Variants in SARDH observed in about 807,000 individuals in gnomAD.
SARDH encodes the protein sarcosine dehydrogenase, also known as sarcosine dehydrogenase, mitochondrial.
SARDH carries 95 observed loss-of-function variants against 109.1 expected under a neutral mutation model. The ratio of observed to expected loss-of-function variants is 0.87; its 90% CI spans 0.74 to 1.03. SARDH has a LOEUF of 1.03. Ranked by LOEUF, SARDH falls within the 50% of genes least tolerant of loss-of-function variation. SARDH has a pLI of 0.00. For missense variants in SARDH, 1,267 were observed against 1,287.8 expected (o/e 0.98, Z 0.25); for synonymous variants, 572 against 534.8 (o/e 1.07, Z -0.96).
chr9:133,683,834 C>T (rs1220214970), intron 17 of SARDH, among the ~76,000 whole-genome samples: 1 of 152,236 alleles, frequency 6.6e-6, no homozygotes, highest in Non-Finnish European at 1.5e-5. Context: ...CCCACCCAAA[C>T]CCCAGACGAA....
chr9:133,685,421 T>C, intron 16 of SARDH, 135 bp from the exon 17 acceptor site: 2 of 634,694 alleles, frequency 3.2e-6, no homozygotes, highest in South Asian at 2.0e-5. Context: ...CATGGATTAA[T>C]AAAAATACAC....
chr9:133,664,606 G>A (rs1829999187), intron 20 of SARDH, among the ~76,000 whole-genome samples: 1 of 151,994 alleles, frequency 6.6e-6, no homozygotes, highest in Admixed American at 6.5e-5. Flanking sequence ...CTATGAGGAG[G>A]GCAGGCTAGG....
In SARDH at chr9:133,666,976, G is replaced by A. The variant is rs780872213; in HGVS notation, c.2496-106C>T. The stretch of plus-strand genomic sequence containing the variant: ...GGGGCTGCATGATGCACACCCAACC[G>A]TGGCTCCAGGCAGATAGGGCTGGCC... On this transcript the variant is annotated intron_variant, in intron 19 of 20. Transcript: ENST00000439388. This position sits in a 1 kb window ranked among gnomAD's most constrained non-coding sequence, Gnocchi z 5.2. 40 of 1,475,778 alleles carry A rather than the reference G, an allele frequency of 2.7e-5. No homozygotes were observed. The highest frequency in any genetic ancestry group is 2.0e-4 in the Middle Eastern group (1 of 5,020). The allele number at this position is 1,475,778 out of a possible 1,614,324, so 91.4% of individuals were successfully genotyped here. A position where few individuals can be genotyped will look rare whatever the true frequency, so the allele number is the denominator to read the frequency against.
chr9:133,696,123 G>A (rs1831277891), intron 14 of SARDH, 100 bp downstream of exon 14: 1 of 1,451,962 alleles, frequency 6.9e-7, no homozygotes, highest in Non-Finnish European at 9.4e-7. Context: ...AGTGTGCTCA[G>A]GGTGCCCGAG....
chr9:133,725,864 G>T (rs117806387), intron 6 of SARDH, among the ~76,000 whole-genome samples: 1,743 of 152,176 alleles, frequency 0.011, 87 homozygotes, highest in East Asian at 0.1. Context: ...TCTGTCACCT[G>T]CCCCAGAACT....
chr9:133,696,714 A>G (rs1831302299), intron 13 of SARDH, among the ~76,000 whole-genome samples: 1 of 152,242 alleles, frequency 6.6e-6, no homozygotes, highest in Admixed American at 6.5e-5. Context: ...ATTACACAAC[A>G]CACTGCTAAA....
intron 13 of SARDH, among the ~76,000 whole-genome samples, chr9:133,701,255 C>T (rs1430644660): frequency 1.3e-5 from 2 of 152,256 alleles, no homozygotes; most frequent in African/African-American, 2.4e-5. Context: ...AGCCAGCTTC[C>T]TCCCCTCTGC....
In SARDH at chr9:133,694,385, A is replaced by G; in HGVS notation, c.1808-14T>C. On this transcript the variant is annotated splice_polypyrimidine_tract_variant and intron_variant, in intron 14 of 20. Transcript: ENST00000439388. ...ACACGGTGGAGCCTGCGAGAGGGAG[A>G]AGGAAGCCGGGTCTGTGCTGAGGCC... The G allele has an allele frequency of 6.5e-7, 1 of 1,546,880 alleles. No homozygotes were observed.
chr9:133,703,115 A>G, intron 12 of SARDH, 86 bp from the exon 13 acceptor site: 1 of 1,211,174 alleles, frequency 8.3e-7, no homozygotes, highest in Non-Finnish European at 1.2e-6. Context: ...TGAGGCTGTG[A>G]TGGGGTCAGG....
Position 133,690,472 on chromosome 9 carries a change from G to A in SARDH, c.1977C>T (p.His659=). The part of the protein sequence containing the change: ...GGAVAQHNWS[H]ITTVLQDQKS... ...TCTGGTCCTGCAGCACGGTGGTGAT[G>A]TGGGACCAGTTGTGCTGGGCCACGG... The change falls in exon 16 of 21, where the codon CAC becomes CAT. Residue 659 remains histidine, a synonymous_variant. Transcript: ENST00000439388. 6 of 1,612,062 alleles carry A rather than the reference G, an allele frequency of 3.7e-6. No individual in the cohort carries two copies. The highest frequency in any genetic ancestry group is 5.1e-6 in the Non-Finnish European group (6 of 1,179,878).
chr9:133,673,554 C>T (rs933402452), intron 17 of SARDH, among the ~76,000 whole-genome samples: 5 of 152,216 alleles, frequency 3.3e-5, no homozygotes, highest in African/African-American at 9.6e-5. Context: ...ACATGGCCGC[C>T]GAGGGGCTGG....
intron 3 of SARDH, 40 bp downstream of exon 3, chr9:133,732,382 AC>A: frequency 3.4e-6 from 1 of 291,660 alleles, no homozygotes; most frequent in Non-Finnish European, 6.0e-6. Flanking sequence ...GCACCCACCC[AC>A]CCAAGCCCCC....
At chr9:133,664,276 C>CACA (rs1264956017) in intron 20 of SARDH, among the ~76,000 whole-genome samples, 6 of 152,218 alleles carry the variant, frequency 3.9e-5, no homozygotes, top group African/African-American at 1.4e-4. Flanking sequence ...CACCGGACAA[C>CACA]ACACCTCCCA....
At position 133,690,497 on chromosome 9, in the gene SARDH, G is replaced by T; in HGVS notation, c.1952C>A (p.Ala651Asp). The change falls in exon 16 of 21, where the codon GCC (alanine) becomes GAC (aspartate). Residue 651 changes from alanine (A) to aspartate (D), a missense_variant. Physicochemically the swap from Ala to Asp is moderately radical, Grantham distance 126. Coordinates refer to ENST00000439388, the MANE Select transcript of SARDH (RefSeq NM_001134707.2). The part of the protein sequence containing the change: ...GDGYYLAMGG[A>D]VAQHNWSHIT... ...GTGGGACCAGTTGTGCTGGGCCACGGCCCCGCCCATGGCCAGGTAGTAACC... is the reference window on the plus strand; with the variant it reads ...GTGGGACCAGTTGTGCTGGGCCACGTCCCCGCCCATGGCCAGGTAGTAACC... The T allele has an allele frequency of 2.5e-6, 4 of 1,609,158 alleles. No individual in the cohort carries two copies. Among genetic ancestry groups the T allele is most frequent in the Non-Finnish European group, 3.4e-6 (4 of 1,179,292 alleles).
upstream of SARDH, among the ~76,000 whole-genome samples, chr9:133,738,637 T>A (rs1238132934): frequency 6.6e-6 from 1 of 152,212 alleles, no homozygotes; most frequent in Non-Finnish European, 1.5e-5. Flanking sequence ...ACCTGCCTGC[T>A]GGAGCCGCCC....
upstream of SARDH, among the ~76,000 whole-genome samples, chr9:133,739,120 AG>A (rs532021610): frequency 6.6e-5 from 10 of 152,262 alleles, no homozygotes; most frequent in African/African-American, 2.4e-4. Flanking sequence ...CACCCAGAGG[AG>A]GGGTGTGGAG....
At chr9:133,662,778 G>A (rs553529181), downstream of SARDH, among the ~76,000 whole-genome samples, 6 of 152,302 alleles carry the variant, frequency 3.9e-5, no homozygotes, top group Middle Eastern at 3.4e-3. The surrounding 1 kb of genome is among the most constrained non-coding windows in gnomAD (Gnocchi z 5.1). Context: ...TCTGCCTCCC[G>A]CTCTTCCCAG....
chr9:133,726,390 A>AATAATAATAATAATAATAATAATG (rs1401832170), intron 6 of SARDH, among the ~76,000 whole-genome samples: 4 of 147,160 alleles, frequency 2.7e-5, no homozygotes, highest in African/African-American at 1.0e-4. Flanking sequence ...TAATAATAAT[A>AATAATAATAATAATAATAATAATG]ATAATAGTAG....
At chr9:133,715,853 A>T (rs1832101591) in intron 8 of SARDH, among the ~76,000 whole-genome samples, 1 of 152,222 alleles carries the variant, frequency 6.6e-6, no homozygotes. Context: ...CACCTACTCC[A>T]GAGGGCACCC....
Sources: gnomAD v4.1 joint callset for allele counts (sites outside exome capture counted in the v4.1 genomes callset) on GRCh38, gnomAD v4.1.1 for gene constraint, Gnocchi (gnomAD v3.1) non-coding constraint, MANE v1.5 for transcripts, NCBI Gene and HGNC (gene_info 2026-07-23, HGNC 2026-07-21) for gene names.